ZNF518A: variants seen among roughly 807,000 people sequenced by gnomAD.
The protein encoded by ZNF518A is zinc finger protein 518.
Under a neutral mutation model 102.7 loss-of-function variants are expected in ZNF518A, and 47 were observed. The ratio of observed to expected loss-of-function variants is 0.46; its 90% confidence interval spans 0.36 to 0.58. The LOEUF (loss-of-function observed/expected upper bound fraction) is 0.58, where lower values mean the gene tolerates loss of function less well. Among genes scored for constraint, ZNF518A ranks in the 20% least tolerant of loss-of-function variants. The probability of loss-of-function intolerance (pLI) is 0.00; values close to 1 mark genes in which losing one functional copy is unlikely to be tolerated. For missense variants in ZNF518A, 1,793 were observed against 1,699.8 expected (o/e 1.05, Z -0.96); for synonymous variants, 652 against 594.6 (o/e 1.10, Z -1.40).
rs1591262283 is a variant in ZNF518A at position 96,162,918 on chromosome 10, A to G, written c.*2144A>G. 1 of 167,058 alleles carries G rather than the reference A, an allele frequency of 6.0e-6. No homozygotes were observed. Among genetic ancestry groups the G allele is most frequent in the Non-Finnish European group, 1.5e-5 (1 of 68,002 alleles). 10.3% of individuals were successfully genotyped at this position (167,058 alleles called of 1,614,324 possible). A position where few individuals can be genotyped will look rare whatever the true frequency, so the allele number is the denominator to read the frequency against. On this transcript the variant is annotated 3_prime_UTR_variant, in exon 6 of 6. Transcript: ENST00000316045. ...TTTAAGAAAGGTAACATATACCATAATTTTACTATGGTTATGCTGGCAAGG... is the reference window on the plus strand; with the variant it reads ...TTTAAGAAAGGTAACATATACCATAGTTTTACTATGGTTATGCTGGCAAGG...
At chr10:96,187,392 G>A (rs1264808625) in intron 1 of ZNF518A, among the ~76,000 whole-genome samples, 2 of 152,142 alleles carry the variant, frequency 1.3e-5, no homozygotes, top group Non-Finnish European at 2.9e-5. Context: ...TGAAGGAGAG[G>A]AATTCAGTCC....
chr10:96,133,765 G>A (rs950174770), intron 3 of ZNF518A, 117 bp downstream of exon 3: 4 of 152,084 alleles, frequency 2.6e-5, no homozygotes, highest in African/African-American at 7.2e-5. Context: ...CATAATAACC[G>A]TGTTCTTCCC....
intron 1 of ZNF518A, among the ~76,000 whole-genome samples, chr10:96,188,379 G>C (rs781828300): frequency 6.6e-6 from 1 of 152,194 alleles, no homozygotes; most frequent in Non-Finnish European, 1.5e-5. Flanking sequence ...ACGCAGTACT[G>C]TATGTCAACC....
At chr10:96,136,868 C>G (rs587738603) in intron 3 of ZNF518A, among the ~76,000 whole-genome samples, 1 of 152,282 alleles carries the variant, frequency 6.6e-6, no homozygotes, top group East Asian at 1.9e-4. Context: ...TTGGATTATT[C>G]CATTATACCA....
chr10:96,170,928 AAAG>A (rs1273279412), intron 1 of ZNF518A, among the ~76,000 whole-genome samples: 3 of 152,172 alleles, frequency 2.0e-5, no homozygotes, highest in African/African-American at 7.2e-5. Context: ...GCATTTCTCT[AAAG>A]AAGATATACA....
At chr10:96,179,246 C>T (rs1351460501) in intron 1 of ZNF518A, among the ~76,000 whole-genome samples, 8 of 152,024 alleles carry the variant, frequency 5.3e-5, no homozygotes, top group Non-Finnish European at 8.8e-5. Context: ...ATTCACAATA[C>T]ATATGTCTGT....
intron 2 of ZNF518A, among the ~76,000 whole-genome samples, chr10:96,133,091 AAAAG>A (rs76461262): frequency 0.051 from 7,731 of 152,212 alleles, 271 homozygotes; most frequent in Middle Eastern, 0.085. Flanking sequence ...TCTAAGCAAA[AAAAG>A]TAATTTTTGG....
rs374302960 is a variant in ZNF518A at position 96,159,841 on chromosome 10, C to T, written c.3519C>T (p.Asn1173=). Residue 1173 remains asparagine (N), a synonymous_variant, in exon 6 of 6, where the codon AAC becomes AAT. Coordinates refer to ENST00000316045, the MANE Select transcript of ZNF518A (RefSeq NM_001330736.2). ...CTGCATCCTCATTGCAAAAAGACAA[C>T]GTACCATCTAATCAGATTATAGGAG... ...SNSASSLQKD[N]VPSNQIIGGE... The T allele has an allele frequency of 2.3e-5, 37 of 1,613,356 alleles. No homozygotes were observed. The highest frequency in any genetic ancestry group is 9.3e-5 in the African/African-American group (7 of 74,882).
At chr10:96,142,391 A>G (rs1554876907) in intron 3 of ZNF518A, among the ~76,000 whole-genome samples, 1 of 142,694 alleles carries the variant, frequency 7.0e-6, no homozygotes, top group African/African-American at 2.6e-5. Context: ...TATATTTTTC[A>G]GTAAGCTTTT....
At position 96,160,875 on chromosome 10, in the gene ZNF518A, C is replaced by T. The variant is rs587611147; in HGVS notation, c.*101C>T. 2.5e-3 allele frequency: 2,991 copies of T among 1,212,214 alleles called. 9 individuals carry two copies. The highest frequency in any genetic ancestry group is 3.4e-3 in the Admixed American group (97 of 28,290). The allele number at this position is 1,212,214 out of a possible 1,614,324, so 75.1% of individuals were successfully genotyped here. ...GACATTTTCTACTTCAGTATAGTAC[C>T]TGAAATCGAACATTTTAAAAGTTGA... On this transcript the variant is annotated 3_prime_UTR_variant, in exon 6 of 6. Coordinates refer to ENST00000316045, the MANE Select transcript of ZNF518A (RefSeq NM_001330736.2).
chr10:96,202,918 C>A (rs1554896586), intron 1 of ZNF518A, among the ~76,000 whole-genome samples: 1 of 152,188 alleles, frequency 6.6e-6, no homozygotes, highest in African/African-American at 2.4e-5. Context: ...ATAGAACAGG[C>A]CTTCTCAGAC....
chr10:96,194,174 G>C (rs1237403482), intron 1 of ZNF518A, among the ~76,000 whole-genome samples: 1 of 152,154 alleles, frequency 6.6e-6, no homozygotes, highest in Non-Finnish European at 1.5e-5. Flanking sequence ...ATTTGTGAGA[G>C]AATTTCAGGA....
chr10:96,131,163 A>C lies in ZNF518A; in HGVS notation c.-453+411A>C, dbSNP rs369783754. Among the ~76,000 whole-genome samples, 20 of 152,240 alleles carry C rather than the reference A, an allele frequency of 1.3e-4. No homozygotes were observed. The South Asian group carries it at 4.1e-3, about 31-fold the overall frequency. ...AATTCATAAGAATGTTGGAATTTGTACAGTTGTCGCAGTGATAAAACATGA... is the reference window on the plus strand; with the variant it reads ...AATTCATAAGAATGTTGGAATTTGTCCAGTTGTCGCAGTGATAAAACATGA... On this transcript the variant is annotated intron_variant, in intron 1 of 5. Coordinates refer to ENST00000316045, the MANE Select transcript of ZNF518A (RefSeq NM_001330736.2).
At chr10:96,165,572 G>C (rs2083131878), downstream of ZNF518A, among the ~76,000 whole-genome samples, 1 of 151,378 alleles carries the variant, frequency 6.6e-6, no homozygotes, top group Admixed American at 6.6e-5. Flanking sequence ...CTGCTTAGCA[G>C]ATTACATTTT....
At position 96,193,662 on chromosome 10, in the gene ZNF518A, A is replaced by C. The variant is rs146939777; in HGVS notation, n.36-9912A>C. ...AATTCAGTGTATTTGAGACAGATAC[A>C]TTCAGTGTATTTGTGGACAGAAAAA... On this transcript the variant is annotated intron_variant and non_coding_transcript_variant, in intron 1 of 2. Transcript: ENST00000442635. Among the ~76,000 whole-genome samples the C allele has an allele frequency of 3.9e-3, 595 of 152,372 alleles. 2 individuals are homozygous for C. The highest frequency in any genetic ancestry group is 7.0e-3 in the South Asian group (34 of 4,834).
At chr10:96,195,127 G>C (rs1438019541) in intron 1 of ZNF518A, among the ~76,000 whole-genome samples, 3 of 152,120 alleles carry the variant, frequency 2.0e-5, no homozygotes, top group Non-Finnish European at 4.4e-5. Context: ...CATTTGGACG[G>C]CTACTATAAA....
At position 96,154,207 on chromosome 10, in the gene ZNF518A, C is replaced by T. The variant is rs1051212049; in HGVS notation, c.-301-1119C>T. On this transcript the variant is annotated intron_variant, in intron 3 of 5. Coordinates refer to ENST00000316045, the MANE Select transcript of ZNF518A (RefSeq NM_001330736.2). ...ATTAGTTGGGTATGGTGGCGCATGC[C>T]TGTAGTCCCTGCTGCTCTCAGGAGG... Among the ~76,000 whole-genome samples the T allele has an allele frequency of 3.3e-5, 5 of 152,106 alleles. No homozygotes were observed. In the East Asian group the frequency reaches 9.6e-4, roughly 29 times the overall value.
Position 96,159,524 on chromosome 10 carries a change from C to G in ZNF518A, c.3202C>G (p.Leu1068Val). Residue 1068 changes from leucine (L) to valine (V), a missense_variant, in exon 6 of 6, where the codon CTA becomes GTA. Transcript: ENST00000316045. ...SVKAVLIPNM[L>V]SEQQSTKLNI... ...GAAAGCTGTTCTTATTCCTAACATGCTATCTGAGCAACAGAGCACTAAGTT... is the reference window on the plus strand; with the variant it reads ...GAAAGCTGTTCTTATTCCTAACATGGTATCTGAGCAACAGAGCACTAAGTT... 1 of 1,613,834 alleles carries G rather than the reference C, an allele frequency of 6.2e-7. No individual in the cohort carries two copies. The highest frequency in any genetic ancestry group is 2.2e-5 in the East Asian group (1 of 44,884).
downstream of ZNF518A, among the ~76,000 whole-genome samples, chr10:96,164,903 A>C (rs1345125083): frequency 6.6e-6 from 1 of 152,248 alleles, no homozygotes; most frequent in Admixed American, 6.5e-5. Context: ...ACATCTTTCA[A>C]TTAAGGAGTG....
Sources: allele counts gnomAD v4.1 joint callset (sites outside exome capture counted in the v4.1 genomes callset), GRCh38; gene constraint gnomAD v4.1.1; transcripts MANE v1.5; gene names NCBI Gene and HGNC (gene_info 2026-07-23, HGNC 2026-07-21).